Variants in NEBL observed in about 807,000 individuals in gnomAD.
NEBL encodes the protein LIM and SH3 protein 2.
A neutral mutation model predicts 140.2 loss-of-function variants in NEBL; 122 were observed. The ratio of observed to expected loss-of-function variants is 0.87; its 90% CI spans 0.75 to 1.01. The LOEUF is 1.01. Among genes scored for constraint, NEBL ranks in the 50% least tolerant of loss-of-function variants. NEBL has a pLI of 0.00. For synonymous variants in NEBL, 436 were observed against 398.9 expected, an observed-to-expected ratio of 1.09 and a Z score of -1.11; for missense variants, 1,365 against 1,231.3, an observed-to-expected ratio of 1.11 and a Z score of -1.62.
In NEBL at chr10:21,148,817, C is replaced by T. The variant is rs114705621; in HGVS notation, c.164+23566G>A. 3.8e-3 allele frequency among the ~76,000 whole-genome samples: 579 copies of T among 152,224 alleles called. 4 individuals are homozygous for T. Among genetic ancestry groups the T allele is most frequent in the African/African-American group, 0.013 (554 of 41,540 alleles). The stretch of plus-strand genomic sequence containing the variant: ...CTGGGATTACAGGTGTGAGCCACCA[C>T]GCCCGGCCCCTGTCCTCCTTTTGTC... On this transcript the variant is annotated intron_variant, in intron 2 of 6. Transcript: ENST00000417816.
intron 4 of NEBL, among the ~76,000 whole-genome samples, chr10:20,931,944 C>G (rs181006589): frequency 6.6e-5 from 10 of 152,314 alleles, no homozygotes; most frequent in Admixed American, 6.5e-4. Flanking sequence ...ACAGCATATT[C>G]TTTCATGTAT....
chr10:21,105,649 G>A (rs2132002963), intron 2 of NEBL, among the ~76,000 whole-genome samples: 1 of 152,276 alleles, frequency 6.6e-6, no homozygotes, highest in South Asian at 2.1e-4. Flanking sequence ...GTAAACATAT[G>A]TGTGCATGTG....
chr10:20,961,793 G>A (rs762881120), intron 3 of NEBL: 2 of 1,598,158 alleles, frequency 1.3e-6, no homozygotes, highest in Non-Finnish European at 1.7e-6. Flanking sequence ...ACAAGAAGGG[G>A]GAAAAGAAAA....
At chr10:21,094,012 C>T (rs534843716) in intron 2 of NEBL, among the ~76,000 whole-genome samples, 4 of 152,318 alleles carry the variant, frequency 2.6e-5, no homozygotes, top group South Asian at 2.1e-4. Flanking sequence ...TGGTTTGACA[C>T]ATTAAGCATC....
At chr10:21,204,439 C>CTT (rs1841793710) in intron 3 of NEBL, among the ~76,000 whole-genome samples, 1 of 152,050 alleles carries the variant, frequency 6.6e-6, no homozygotes, top group Admixed American at 6.5e-5. Context: ...CTCTCTCTTT[C>CTT]TTTCTCTCTC....
At chr10:21,264,887 G>A (rs973852487) in intron 1 of NEBL, among the ~76,000 whole-genome samples, 3 of 151,524 alleles carry the variant, frequency 2.0e-5, no homozygotes, top group African/African-American at 7.3e-5. Context: ...GCATCCTCAC[G>A]TGACAATAGG....
At chr10:20,828,453 G>A (rs1383985687) in intron 17 of NEBL, 77 bp downstream of exon 17, 1 of 915,432 alleles carries the variant, frequency 1.1e-6, no homozygotes. Flanking sequence ...GAAAACATCA[G>A]ACAATGAGGA....
chr10:20,862,650 T>C (rs1441299902), intron 7 of NEBL, among the ~76,000 whole-genome samples: 1 of 152,190 alleles, frequency 6.6e-6, no homozygotes, highest in Non-Finnish European at 1.5e-5. Flanking sequence ...CTATAACTTG[T>C]TATCCAACCA....
rs906121853 is a variant in NEBL at position 20,781,577 on chromosome 10, T to C, written c.*4170A>G. ...GTGATACTATGCAAACTGGATACCA[T>C]GTATCAAGCACAAAAAATCCTATGG... On this transcript the variant is annotated 3_prime_UTR_variant, in exon 28 of 28. Transcript: ENST00000377122. The C allele has an allele frequency of 2.6e-5, 4 of 152,222 alleles. No individual in the cohort carries two copies. The highest frequency in any genetic ancestry group is 7.2e-5 in the African/African-American group (3 of 41,458). 9.4% of individuals were successfully genotyped at this position (152,222 alleles called of 1,614,324 possible).
rs45518036 is a variant in NEBL, at chr10:20,878,939, T to C, written c.480+1855A>G. ...TCCGTATTTGAATTTCATTGAATTA[T>C]AGAGTTGGAAAGAGCCTCCCGGGGA... On this transcript the variant is annotated intron_variant, in intron 5 of 27. Transcript: ENST00000377122. 6.1e-3 allele frequency among the ~76,000 whole-genome samples: 936 copies of C among 152,270 alleles called. 9 individuals are homozygous for C. Among genetic ancestry groups the C allele is most frequent in the Middle Eastern group, 0.01 (3 of 294 alleles).
intron 12 of NEBL, 53 bp downstream of exon 12, chr10:20,845,205 G>T: frequency 1.7e-6 from 2 of 1,174,186 alleles, no homozygotes; most frequent in Admixed American, 1.8e-5. Context: ...CATTTCCTGG[G>T]TTTTTTCTTT....
rs1294637370 is a variant in NEBL at position 20,909,444 on chromosome 10, G to C, written c.357+52228C>G. On this transcript the variant is annotated intron_variant, in intron 4 of 6. Transcript: ENST00000417816. ...CTCTTAATAATTTAGATGCCTCTAA[G>C]ATATTGGACACACAAATGAAGCAAA... 2.6e-5 allele frequency among the ~76,000 whole-genome samples: 4 copies of C among 151,970 alleles called. No individual in the cohort carries two copies. In the East Asian group the frequency reaches 7.7e-4, roughly 29 times the overall value.
At chr10:20,879,621 G>A (rs528136414) in intron 5 of NEBL, among the ~76,000 whole-genome samples, 7 of 152,154 alleles carry the variant, frequency 4.6e-5, no homozygotes, top group Admixed American at 4.6e-4. Context: ...GGGGCACATG[G>A]TCAGCCAAGC....
At chr10:21,152,383 T>C (rs183461471) in intron 2 of NEBL, among the ~76,000 whole-genome samples, 1 of 152,280 alleles carries the variant, frequency 6.6e-6, no homozygotes, top group Middle Eastern at 3.4e-3. Context: ...TTCCCAAAGT[T>C]ATACAATGCC....
intron 1 of NEBL, among the ~76,000 whole-genome samples, chr10:21,269,043 G>A (rs187274671): frequency 1.2e-4 from 19 of 152,228 alleles, no homozygotes; most frequent in Admixed American, 1.1e-3. Context: ...TTTGACCACC[G>A]CCAGAGCAGA....
chr10:20,828,685 T>C (rs1346776526), intron 16 of NEBL, 51 bp from the exon 17 acceptor site: 6 of 1,235,944 alleles, frequency 4.9e-6, no homozygotes, highest in East Asian at 2.4e-5. Context: ...TGTGCGCACA[T>C]GTGAGAGGGA....
chr10:21,278,956 C>A (rs1216870920), intron 1 of NEBL, among the ~76,000 whole-genome samples: 1 of 152,166 alleles, frequency 6.6e-6, no homozygotes, highest in East Asian at 1.9e-4. Flanking sequence ...AGGCCCTGCA[C>A]CTCCAGAATC....
At chr10:21,190,218 G>A (rs1376549037) in intron 3 of NEBL, among the ~76,000 whole-genome samples, 2 of 152,056 alleles carry the variant, frequency 1.3e-5, no homozygotes, top group South Asian at 2.1e-4. Flanking sequence ...AGTGGCTTAC[G>A]TCTGTAATCC....
intron 3 of NEBL, among the ~76,000 whole-genome samples, chr10:20,963,002 A>AC (rs1316357647): frequency 1.7e-4 from 17 of 99,338 alleles, no homozygotes; most frequent in East Asian, 7.2e-4. Flanking sequence ...CTTGAAAGAA[A>AC]AACACACACA....
Sources: allele counts gnomAD v4.1 joint callset (sites outside exome capture counted in the v4.1 genomes callset), GRCh38; gene constraint gnomAD v4.1.1; transcripts MANE v1.5; gene names NCBI Gene and HGNC (gene_info 2026-07-23, HGNC 2026-07-21).